Variants in GDNF observed in about 807,000 individuals in gnomAD.
GDNF encodes the protein glial cell line-derived neurotrophic factor.
Under a neutral mutation model 13.7 loss-of-function variants are expected in GDNF, and 5 were observed. The observed-to-expected ratio is 0.36, with a 90% CI of 0.19 to 0.77. GDNF has a LOEUF of 0.77. Among genes scored for constraint, GDNF ranks in the 30% least tolerant of loss-of-function variants. The pLI, the probability that GDNF is intolerant of heterozygous loss-of-function variation, is 0.51. For missense variants in GDNF, 246 were observed against 274.3 expected (o/e 0.90, Z 0.73); for synonymous variants, 122 against 112.5 (o/e 1.08, Z -0.53).
chr5:37,834,880 C>T (rs1750649383), intron 1 of GDNF, 58 bp from the exon 2 acceptor site: 3 of 1,514,502 alleles, frequency 2.0e-6, no homozygotes, highest in South Asian at 2.3e-5. Context: ...TAAGCCTGGG[C>T]TCCCTGCGGG....
chr5:37,835,688 A>G (rs1472494789), intron 1 of GDNF: 5 of 1,546,768 alleles, frequency 3.2e-6, no homozygotes, highest in South Asian at 1.2e-5. Context: ...CCTCCGTGGT[A>G]TACCCGAAAA....
At chr5:37,831,244 T>C (rs974463365) in intron 2 of GDNF, among the ~76,000 whole-genome samples, 5 of 152,204 alleles carry the variant, frequency 3.3e-5, no homozygotes, top group African/African-American at 4.8e-5. Flanking sequence ...TTCTTTCACG[T>C]TGATTTTTTC....
chr5:37,837,737 C>T lies in GDNF; in HGVS notation c.-27+1770G>A, dbSNP rs1386872934. ...CATCTCTGCTTTTCAGGCTCCCACC[C>T]CTCCATTCTCGCTGGTTTTCCTCTC... On this transcript the variant is annotated intron_variant, in intron 1 of 2. Transcript: ENST00000326524. The surrounding 1 kb of genome is among the most constrained non-coding windows in gnomAD (Gnocchi z 6.5). Among the ~76,000 whole-genome samples the T allele has an allele frequency of 6.6e-6, 1 of 152,198 alleles. No individual in the cohort carries two copies. The highest frequency in any genetic ancestry group is 1.5e-5 in the Non-Finnish European group (1 of 68,040).
In GDNF at chr5:37,838,596, C is replaced by A. The variant is rs969483062; in HGVS notation, c.-27+911G>T. 1.3e-5 allele frequency among the ~76,000 whole-genome samples: 2 copies of A among 152,204 alleles called. No individual in the cohort carries two copies. Among genetic ancestry groups the A allele is most frequent in the African/African-American group, 4.8e-5 (2 of 41,454 alleles). On this transcript the variant is annotated intron_variant, in intron 1 of 2. Coordinates refer to ENST00000326524, the MANE Select transcript of GDNF (RefSeq NM_000514.4). This position sits in a 1 kb window ranked among gnomAD's most constrained non-coding sequence, Gnocchi z 4.1. ...ACATGGGTCCTGGCGGCGGATTCTA[C>A]CAAAGCCGAAACTAGCTGGGCCCCA...
At chr5:37,816,763 C>T (rs956384028) in intron 2 of GDNF, among the ~76,000 whole-genome samples, 1 of 152,164 alleles carries the variant, frequency 6.6e-6, no homozygotes, top group Non-Finnish European at 1.5e-5. Flanking sequence ...ACTGAGTGCT[C>T]TTCCCTGAAA....
At chr5:37,836,091 A>C (rs1298896534) in intron 1 of GDNF, among the ~76,000 whole-genome samples, 1 of 152,116 alleles carries the variant, frequency 6.6e-6, no homozygotes, top group Non-Finnish European at 1.5e-5. Context: ...TCTCCAGGGC[A>C]CTAGTGACCT....
chr5:37,827,101 T>G (rs1288802042), intron 2 of GDNF, among the ~76,000 whole-genome samples: 1 of 152,062 alleles, frequency 6.6e-6, no homozygotes, highest in East Asian at 1.9e-4. Flanking sequence ...AGCCCAGAGT[T>G]TTCACAAATG....
chr5:37,837,058 C>T lies in GDNF; in HGVS notation c.-26-2236G>A, dbSNP rs989157692. Among the ~76,000 whole-genome samples the T allele has an allele frequency of 6.6e-6, 1 of 152,080 alleles. No individual in the cohort carries two copies. Among genetic ancestry groups the T allele is most frequent in the Non-Finnish European group, 1.5e-5 (1 of 68,024 alleles). ...TCTTCCCTCTGAGCGCCGCCGGGAC[C>T]GGCTCCAGTCCGAGGGGCTCTTTCG... On this transcript the variant is annotated intron_variant, in intron 1 of 2. Transcript: ENST00000326524. This position sits in a 1 kb window ranked among gnomAD's most constrained non-coding sequence, Gnocchi z 6.5.
rs1749766879 is a variant in GDNF, at chr5:37,812,717, G to A, written c.*2934C>T. ...TTTTATTTGTAAAAAGTTACAAAAT[G>A]ATATTGTACAAAAATAAAGTCTGTA... On this transcript the variant is annotated 3_prime_UTR_variant, in exon 3 of 3. Transcript: ENST00000326524. 1 of 152,192 alleles carries A rather than the reference G, an allele frequency of 6.6e-6. No individual in the cohort carries two copies. Among genetic ancestry groups the A allele is most frequent in the Non-Finnish European group, 1.5e-5 (1 of 68,024 alleles). 9.4% of individuals were successfully genotyped at this position (152,192 alleles called of 1,614,324 possible). A position where few individuals can be genotyped will look rare whatever the true frequency, so the allele number is the denominator to read the frequency against.
chr5:37,815,821 A>G lies in GDNF; in HGVS notation c.466T>C (p.Tyr156His). 1.9e-6 allele frequency: 3 copies of G among 1,614,170 alleles called. No homozygotes were observed. In the South Asian group the frequency reaches 3.3e-5, roughly 18 times the overall value. The change falls in exon 3 of 3, where the codon TAC becomes CAC. Residue 156 changes from tyrosine to histidine, a missense_variant. By Grantham distance (83) the Tyr-to-His change is moderately conservative. Transcript: ENST00000326524. The surrounding 1 kb of genome is among the most constrained non-coding windows in gnomAD (Gnocchi z 5.0). ...GATAAGTTTTTCAATATTTTGTCGT[A>G]CGTTGTCTCAGCTGCATCGCAAGAG... is the stretch of plus-strand genomic sequence containing the variant. ...SGSCDAAETTYDKILKNLSRN... is the reference protein window; with the variant it reads ...SGSCDAAETTHDKILKNLSRN...
In GDNF at chr5:37,837,515, C is replaced by A. The variant is rs183156544; in HGVS notation, c.-27+1992G>T. Among the ~76,000 whole-genome samples, 76 of 152,298 alleles carry A rather than the reference C, an allele frequency of 5.0e-4. No individual in the cohort carries two copies. Among genetic ancestry groups the A allele is most frequent in the Admixed American group, 4.2e-3 (64 of 15,308 alleles). On this transcript the variant is annotated intron_variant, in intron 1 of 2. Coordinates refer to ENST00000326524, the MANE Select transcript of GDNF (RefSeq NM_000514.4). The surrounding 1 kb of genome is among the most constrained non-coding windows in gnomAD (Gnocchi z 6.5). ...CGCCCAGGAAAGCCACAGAAGTGCT[C>A]GCAGAAGCAGCCGCTCGCCGCGAGG...
In GDNF at chr5:37,839,305, C is replaced by T. The variant is rs987310458; in HGVS notation, c.-27+202G>A. On this transcript the variant is annotated intron_variant, in intron 1 of 2. Coordinates refer to ENST00000326524, the MANE Select transcript of GDNF (RefSeq NM_000514.4). The surrounding 1 kb of genome is among the most constrained non-coding windows in gnomAD (Gnocchi z 5.5). ...ACGTGGAAAAGGCAACATGCCCCTC[C>T]GAAAGGCCGGCCTCTCTCCGGTTCT... 6.6e-6 allele frequency among the ~76,000 whole-genome samples: 1 copy of T among 152,192 alleles called. No homozygotes were observed. Among genetic ancestry groups the T allele is most frequent in the East Asian group, 1.9e-4 (1 of 5,178 alleles).
intron 2 of GDNF, among the ~76,000 whole-genome samples, chr5:37,823,044 T>C (rs1020769280): frequency 6.6e-6 from 1 of 152,222 alleles, no homozygotes; most frequent in African/African-American, 2.4e-5. Flanking sequence ...TAAAAAACAT[T>C]ACCAGTGTAA....
At chr5:37,818,133 C>T (rs1477948627) in intron 2 of GDNF, among the ~76,000 whole-genome samples, 1 of 152,214 alleles carries the variant, frequency 6.6e-6, no homozygotes, top group Non-Finnish European at 1.5e-5. Context: ...CTGGGTCATT[C>T]TTCATTGTGG....
At chr5:37,834,503 G>A (rs899991535) in intron 2 of GDNF, 143 bp downstream of exon 2, 2 of 727,298 alleles carry the variant, frequency 2.7e-6, no homozygotes, top group Non-Finnish European at 4.2e-6. Flanking sequence ...ACCCCTGGGG[G>A]CTTCAGCACC....
At chr5:37,822,612 C>T (rs958153571) in intron 2 of GDNF, among the ~76,000 whole-genome samples, 1 of 152,190 alleles carries the variant, frequency 6.6e-6, no homozygotes, top group South Asian at 2.1e-4. Context: ...AAATGGAAAA[C>T]CCCCTAATGG....
rs1750736073 is a variant in GDNF, at chr5:37,837,156, G to A, written c.-26-2334C>T. ...CGGCACACACAGCGTCTACTAGGAC[G>A]TTTTTCTTAGAGTCCGTGTGGGCTC... is the stretch of plus-strand genomic sequence containing the variant. On this transcript the variant is annotated intron_variant, in intron 1 of 2. Coordinates refer to ENST00000326524, the MANE Select transcript of GDNF (RefSeq NM_000514.4). This position sits in a 1 kb window ranked among gnomAD's most constrained non-coding sequence, Gnocchi z 6.5. Among the ~76,000 whole-genome samples the A allele has an allele frequency of 1.3e-5, 2 of 152,226 alleles. No individual in the cohort carries two copies. Among genetic ancestry groups the A allele is most frequent in the African/African-American group, 4.8e-5 (2 of 41,468 alleles).
intron 1 of GDNF, chr5:37,835,662 T>A: frequency 6.4e-7 from 1 of 1,550,476 alleles, no homozygotes; most frequent in Non-Finnish European, 8.7e-7. Context: ...ACTGCATTTG[T>A]CTTGAAAGTT....
At chr5:37,818,586 T>C (rs575628997) in intron 2 of GDNF, among the ~76,000 whole-genome samples, 2 of 152,058 alleles carry the variant, frequency 1.3e-5, no homozygotes, top group East Asian at 1.9e-4. Flanking sequence ...GCCCATAGCA[T>C]CCCCCATCCT....
Sources: allele counts gnomAD v4.1 joint callset (sites outside exome capture counted in the v4.1 genomes callset), GRCh38; gene constraint gnomAD v4.1.1; non-coding constraint Gnocchi (gnomAD v3.1); transcripts MANE v1.5; gene names NCBI Gene and HGNC (gene_info 2026-07-23, HGNC 2026-07-21).